The following GADL1 variants were observed in gnomAD, a reference collection of about 807,000 sequenced individuals.
GADL1 encodes the protein acidic amino acid decarboxylase GADL1.
Under a neutral mutation model 69.5 loss-of-function variants are expected in GADL1, and 71 were observed. The ratio of observed to expected loss-of-function variants is 1.02; its 90% CI spans 0.84 to 1.25. GADL1 has a LOEUF of 1.25. Among genes scored for constraint, GADL1 ranks in the 50% most tolerant of loss-of-function variants. The pLI, the probability that GADL1 is intolerant of heterozygous loss-of-function variation, is 0.00. For synonymous variants in GADL1, 254 were observed against 214.4 expected, an observed-to-expected ratio of 1.18 and a Z score of -1.62; for missense variants, 737 against 631.8, an observed-to-expected ratio of 1.17 and a Z score of -1.79.
intron 1 of GADL1, among the ~76,000 whole-genome samples, chr3:30,862,551 G>A (rs967771023): frequency 6.6e-5 from 10 of 151,940 alleles, no homozygotes; most frequent in African/African-American, 2.4e-4. Flanking sequence ...TTTGGGCAGA[G>A]ATAAAGAAAA....
chr3:30,755,434 G>GAAT (rs1335647591), intron 14 of GADL1, among the ~76,000 whole-genome samples: 1 of 152,082 alleles, frequency 6.6e-6, no homozygotes, highest in African/African-American at 2.4e-5. Context: ...GCCAGCACTG[G>GAAT]AATAAATACA....
intron 1 of GADL1, among the ~76,000 whole-genome samples, chr3:30,875,288 G>A (rs577934296): frequency 1.3e-5 from 2 of 151,102 alleles, no homozygotes; most frequent in Admixed American, 6.6e-5. Context: ...AAGCATACTA[G>A]GAAGAAAGGA....
At chr3:30,864,097 C>A (rs1698360753) in intron 1 of GADL1, among the ~76,000 whole-genome samples, 2 of 151,966 alleles carry the variant, frequency 1.3e-5, no homozygotes, top group South Asian at 4.1e-4. Context: ...TAGAATTGAG[C>A]TTTTAGATGG....
intron 14 of GADL1, among the ~76,000 whole-genome samples, chr3:30,748,925 A>C (rs1191691598): frequency 6.6e-6 from 1 of 152,242 alleles, no homozygotes; most frequent in Non-Finnish European, 1.5e-5. Context: ...GTTAGCACTG[A>C]ATAAATATTA....
At chr3:30,745,796 AT>A (rs1464939800) in intron 14 of GADL1, among the ~76,000 whole-genome samples, 4 of 152,148 alleles carry the variant, frequency 2.6e-5, no homozygotes, top group African/African-American at 9.7e-5. Context: ...AGAAAAATAT[AT>A]TTGTTTTTCC....
At chr3:30,885,896 C>T (rs1003335738) in intron 1 of GADL1, among the ~76,000 whole-genome samples, 5 of 152,040 alleles carry the variant, frequency 3.3e-5, no homozygotes, top group South Asian at 2.1e-4. Context: ...CATGAGCCAC[C>T]GTGCCCAGCC....
chr3:30,741,193 T>C (rs1051577974), intron 14 of GADL1, among the ~76,000 whole-genome samples: 4 of 140,546 alleles, frequency 2.8e-5, no homozygotes, highest in Non-Finnish European at 4.6e-5. Flanking sequence ...TATAATTATG[T>C]GTGTGTGTGT....
chr3:30,765,606 G>C (rs1019013065), intron 14 of GADL1, among the ~76,000 whole-genome samples: 2 of 152,198 alleles, frequency 1.3e-5, no homozygotes, highest in Non-Finnish European at 2.9e-5. Flanking sequence ...CCTCAGAAGG[G>C]CATGCTTGGT....
chr3:30,764,232 T>C (rs1192537586), intron 14 of GADL1, among the ~76,000 whole-genome samples: 1 of 136,506 alleles, frequency 7.3e-6, no homozygotes, highest in Non-Finnish European at 1.6e-5. Context: ...TTAAGAGATT[T>C]TTAGATCCGA....
At chr3:30,811,639 T>C (rs1697356924) in intron 11 of GADL1, among the ~76,000 whole-genome samples, 1 of 152,224 alleles carries the variant, frequency 6.6e-6, no homozygotes, top group African/African-American at 2.4e-5. Context: ...GTACACATTA[T>C]TACCACATGG....
intron 11 of GADL1, among the ~76,000 whole-genome samples, chr3:30,817,950 A>T (rs1438665028): frequency 6.6e-6 from 1 of 152,208 alleles, no homozygotes; most frequent in Non-Finnish European, 1.5e-5. Context: ...GGAACTGGAG[A>T]TACGGAAGAT....
At chr3:30,774,083 C>T (rs919133528) in intron 14 of GADL1, among the ~76,000 whole-genome samples, 2 of 152,114 alleles carry the variant, frequency 1.3e-5, no homozygotes, top group African/African-American at 4.8e-5. Flanking sequence ...AGATTTTATC[C>T]TGTGAGACAG....
intron 1 of GADL1, among the ~76,000 whole-genome samples, chr3:30,870,031 T>C (rs1042939551): frequency 1.3e-5 from 2 of 151,842 alleles, no homozygotes; most frequent in African/African-American, 4.8e-5. Flanking sequence ...CAGACCTCCA[T>C]TCATCCAATC....
At chr3:30,888,781 A>C (rs1011559765) in intron 1 of GADL1, among the ~76,000 whole-genome samples, 5 of 151,984 alleles carry the variant, frequency 3.3e-5, no homozygotes, top group African/African-American at 1.2e-4. Context: ...TTCCTTTAAG[A>C]CTGAAAAAGA....
At chr3:30,835,383 G>A (rs1697857476) in intron 9 of GADL1, among the ~76,000 whole-genome samples, 1 of 152,084 alleles carries the variant, frequency 6.6e-6, no homozygotes, top group Non-Finnish European at 1.5e-5. Flanking sequence ...TTAATATCAT[G>A]TAAAAAGAAG....
intron 12 of GADL1, chr3:30,797,739 T>C (rs1161582536): frequency 6.6e-6 from 1 of 151,962 alleles, no homozygotes; most frequent in Non-Finnish European, 1.5e-5. Flanking sequence ...GGCATCATCA[T>C]GTTCAGCTAG....
intron 4 of GADL1, among the ~76,000 whole-genome samples, chr3:30,853,192 C>T (rs1315431602): frequency 6.6e-6 from 1 of 152,128 alleles, no homozygotes; most frequent in Non-Finnish European, 1.5e-5. Flanking sequence ...TCTCTCCCCA[C>T]TCTATACTCT....
chr3:30,839,233 C>A, intron 8 of GADL1, 120 bp from the exon 9 acceptor site: 1 of 580,332 alleles, frequency 1.7e-6, no homozygotes, highest in Non-Finnish European at 3.0e-6. Flanking sequence ...TGGAGGTAGT[C>A]ATTAATTCAA....
At chr3:30,754,109 CTA>C (rs1695906018) in intron 14 of GADL1, among the ~76,000 whole-genome samples, 1 of 152,184 alleles carries the variant, frequency 6.6e-6, no homozygotes, top group Non-Finnish European at 1.5e-5. Flanking sequence ...CGTCTGATTG[CTA>C]ATGTGCCTCC....
Sources: allele counts gnomAD v4.1 joint callset (sites outside exome capture counted in the v4.1 genomes callset), GRCh38; gene constraint gnomAD v4.1.1; transcripts MANE v1.5; gene names NCBI Gene and HGNC (gene_info 2026-07-23, HGNC 2026-07-21).